The following FHIT variants were observed in gnomAD, a reference collection of about 807,000 sequenced individuals.
The protein encoded by FHIT is fragile histidine triad diadenosine triphosphatase, also known as bis(5'-adenosyl)-triphosphatase.
FHIT carries 19 observed loss-of-function variants against 17.9 expected under a neutral mutation model. That is an observed-to-expected ratio of 1.06 (90% confidence interval 0.74 to 1.56). The LOEUF (loss-of-function observed/expected upper bound fraction) is 1.56. Among genes scored for constraint, FHIT ranks in the 40% most tolerant of loss-of-function variants. The probability of loss-of-function intolerance (pLI) is 0.00; values close to 1 mark genes in which losing one functional copy is unlikely to be tolerated. For missense variants in FHIT, 248 were observed against 189.2 expected (o/e 1.31, Z -1.82); for synonymous variants, 81 against 69.7 (o/e 1.16, Z -0.81).
rs528473167 is a variant in FHIT, at chr3:60,711,253, C to T, written c.-18+110666G>A. Among the ~76,000 whole-genome samples, 4 of 152,224 alleles carry T rather than the reference C, an allele frequency of 2.6e-5. No individual in the cohort carries two copies. In the South Asian group the frequency reaches 6.2e-4, roughly 24 times the overall value. ...GAAAACTAAAAAACAGAAAGGACAT[C>T]CACACCAAAAACCCATCTGTACATC... On this transcript the variant is annotated intron_variant, in intron 4 of 9. Transcript: ENST00000492590.
chr3:60,196,903 C>T (rs114067950), intron 5 of FHIT, among the ~76,000 whole-genome samples: 6,596 of 151,938 alleles, frequency 0.043, 188 homozygotes, highest in Middle Eastern at 0.14. Flanking sequence ...GGCAAAAAGC[C>T]GTATGGATCA....
At chr3:60,202,243 A>T (rs1702949103) in intron 5 of FHIT, among the ~76,000 whole-genome samples, 1 of 152,198 alleles carries the variant, frequency 6.6e-6, no homozygotes, top group African/African-American at 2.4e-5. Flanking sequence ...TACAAGAAAA[A>T]TGAGGAAGTT....
intron 2 of FHIT, among the ~76,000 whole-genome samples, chr3:61,167,871 T>A (rs765437096): frequency 3.3e-5 from 5 of 152,156 alleles, no homozygotes; most frequent in Non-Finnish European, 7.3e-5. Flanking sequence ...ATCCACATTT[T>A]ACAACAAAGG....
chr3:61,242,288 C>T (rs552066662), intron 1 of FHIT, among the ~76,000 whole-genome samples: 1 of 151,306 alleles, frequency 6.6e-6, no homozygotes, highest in East Asian at 1.9e-4. Flanking sequence ...GAAAAAACAA[C>T]AACAAAAAAA....
chr3:60,356,911 C>T (rs1699691535), intron 5 of FHIT, among the ~76,000 whole-genome samples: 1 of 152,128 alleles, frequency 6.6e-6, no homozygotes, highest in Non-Finnish European at 1.5e-5. Flanking sequence ...GTGGCTAGAA[C>T]TGGGCCAGGT....
chr3:60,041,217 C>A (rs1176403879), intron 5 of FHIT, among the ~76,000 whole-genome samples: 1 of 152,304 alleles, frequency 6.6e-6, no homozygotes, highest in East Asian at 1.9e-4. Flanking sequence ...ACTTGCAGAT[C>A]CAACTGCTCC....
intron 5 of FHIT, among the ~76,000 whole-genome samples, chr3:60,278,551 A>G (rs966782026): frequency 6.6e-6 from 1 of 152,170 alleles, no homozygotes; most frequent in African/African-American, 2.4e-5. Flanking sequence ...TGGTGATTAC[A>G]ACTGAGAGGT....
At chr3:60,441,211 G>A (rs746648498) in intron 5 of FHIT, among the ~76,000 whole-genome samples, 5 of 151,988 alleles carry the variant, frequency 3.3e-5, no homozygotes, top group Admixed American at 2.0e-4. Flanking sequence ...ACCAATATTC[G>A]ATGAATCACT....
chr3:61,226,937 A>C (rs750307404), intron 1 of FHIT, among the ~76,000 whole-genome samples: 3 of 152,206 alleles, frequency 2.0e-5, no homozygotes, highest in Non-Finnish European at 2.9e-5. Flanking sequence ...GTCTAGGATA[A>C]AGGACAAAGA....
intron 3 of FHIT, among the ~76,000 whole-genome samples, chr3:60,836,734 A>G (rs1702555432): frequency 6.6e-6 from 1 of 152,146 alleles, no homozygotes; most frequent in Non-Finnish European, 1.5e-5. Context: ...AAAACCAGTA[A>G]AGGGGAAATG....
At chr3:59,909,004 C>A (rs1298795261) in intron 8 of FHIT, among the ~76,000 whole-genome samples, 3 of 151,798 alleles carry the variant, frequency 2.0e-5, no homozygotes, top group Non-Finnish European at 4.4e-5. Flanking sequence ...CACATCAGCA[C>A]AACTGGCTAG....
chr3:60,710,509 CT>C (rs2041496750), intron 4 of FHIT, among the ~76,000 whole-genome samples: 1 of 152,220 alleles, frequency 6.6e-6, no homozygotes, highest in South Asian at 2.1e-4. Context: ...AGGGAGTTCC[CT>C]TTCCTGCTCA....
At chr3:60,488,130 G>A (rs1029877324) in intron 5 of FHIT, among the ~76,000 whole-genome samples, 1 of 152,160 alleles carries the variant, frequency 6.6e-6, no homozygotes, top group African/African-American at 2.4e-5. Flanking sequence ...ATGGTCTTAC[G>A]ATTTAAATAT....
intron 5 of FHIT, among the ~76,000 whole-genome samples, chr3:60,415,546 C>T (rs1180876486): frequency 6.6e-6 from 1 of 152,064 alleles, no homozygotes; most frequent in African/African-American, 2.4e-5. Flanking sequence ...TCTTGAGACT[C>T]TGAAAAATCC....
chr3:60,431,871 C>T (rs892820690), intron 5 of FHIT, among the ~76,000 whole-genome samples: 7 of 152,056 alleles, frequency 4.6e-5, no homozygotes, highest in East Asian at 1.9e-4. Flanking sequence ...TGTGTGTATC[C>T]GTGGTCTCCT....
chr3:60,202,879 G>A (rs1389605122), intron 5 of FHIT, among the ~76,000 whole-genome samples: 1 of 152,080 alleles, frequency 6.6e-6, no homozygotes, highest in Non-Finnish European at 1.5e-5. Flanking sequence ...GCACTCCATA[G>A]CATCAGTCAG....
chr3:60,232,114 A>G (rs17062563), intron 5 of FHIT, among the ~76,000 whole-genome samples: 23,140 of 152,140 alleles, frequency 0.15, 1,917 homozygotes, highest in Admixed American at 0.22. Context: ...TATGTGCCAC[A>G]TTATTTTTCA....
At chr3:60,368,195 T>TAAA (rs763718560) in intron 5 of FHIT, among the ~76,000 whole-genome samples, 35 of 140,816 alleles carry the variant, frequency 2.5e-4, no homozygotes, top group Middle Eastern at 7.8e-3. Context: ...CATATCTTTT[T>TAAA]AAAAAAAAAA....
intron 7 of FHIT, among the ~76,000 whole-genome samples, chr3:59,924,122 T>G (rs1392722541): frequency 6.6e-6 from 1 of 152,176 alleles, no homozygotes; most frequent in Admixed American, 6.5e-5. Flanking sequence ...CAGGTGGGCC[T>G]GGGCTGAAAT....
Sources: allele counts gnomAD v4.1 joint callset (sites outside exome capture counted in the v4.1 genomes callset), GRCh38; gene constraint gnomAD v4.1.1; transcripts MANE v1.5; gene names NCBI Gene and HGNC (gene_info 2026-07-23, HGNC 2026-07-21).